The following DRC11 variants were observed in gnomAD, a reference collection of about 807,000 sequenced individuals.
DRC11 encodes IQ and AAA domain-containing protein 1.
chr2:236,434,327 A>G, the DRC11 span, among the ~76,000 whole-genome samples: 2 of 152,188 alleles, frequency 1.3e-5, no homozygotes, highest in African/African-American at 4.8e-5. The surrounding 1 kb of genome is among the most constrained non-coding windows in gnomAD (Gnocchi z 5.5). Flanking sequence ...GTATATTGTT[A>G]TAATGACAAT....
the DRC11 span, among the ~76,000 whole-genome samples, chr2:236,469,325 C>T: frequency 5.9e-5 from 9 of 152,242 alleles, no homozygotes; most frequent in African/African-American, 2.2e-4. The surrounding 1 kb of genome is among the most constrained non-coding windows in gnomAD (Gnocchi z 5.8). Context: ...CCTGCCTCAG[C>T]CTCCTGAGTA....
the DRC11 span, among the ~76,000 whole-genome samples, chr2:236,441,821 C>A: frequency 6.6e-6 from 1 of 152,134 alleles, no homozygotes; most frequent in African/African-American, 2.4e-5. Flanking sequence ...TTTAAAATGG[C>A]CCTTAAAAAA....
At chr2:236,332,371 A>T in the DRC11 span, 1 of 152,222 alleles carries the variant, frequency 6.6e-6, no homozygotes, top group African/African-American at 2.4e-5. The surrounding 1 kb of genome is among the most constrained non-coding windows in gnomAD (Gnocchi z 5.1). Context: ...CTGTATTTGG[A>T]GAATTACCTC....
At chr2:236,421,085 C>G in the DRC11 span, among the ~76,000 whole-genome samples, 4 of 151,876 alleles carry the variant, frequency 2.6e-5, no homozygotes, top group Non-Finnish European at 5.9e-5. Context: ...TGTTATGTAC[C>G]CAGTAGTAAT....
At chr2:236,334,239 A>G in the DRC11 span, among the ~76,000 whole-genome samples, 2 of 152,274 alleles carry the variant, frequency 1.3e-5, no homozygotes, top group African/African-American at 4.8e-5. The surrounding 1 kb of genome is among the most constrained non-coding windows in gnomAD (Gnocchi z 7.8). Context: ...TTGCTTTTAC[A>G]CAATCACCCA....
At chr2:236,392,121 G>A in the DRC11 span, 1 of 1,580,702 alleles carries the variant, frequency 6.3e-7, no homozygotes, top group African/African-American at 1.3e-5. The surrounding 1 kb of genome is among the most constrained non-coding windows in gnomAD (Gnocchi z 5.1). Flanking sequence ...CATGTCTTGT[G>A]TTTTGTTTGT....
At chr2:236,466,824 C>T in the DRC11 span, among the ~76,000 whole-genome samples, 3 of 152,208 alleles carry the variant, frequency 2.0e-5, no homozygotes, top group African/African-American at 7.2e-5. Context: ...GGACAAACAT[C>T]CAAACCATAT....
chr2:236,504,467 G>T, the DRC11 span, among the ~76,000 whole-genome samples: 1 of 152,094 alleles, frequency 6.6e-6, no homozygotes, highest in Non-Finnish European at 1.5e-5. This position sits in a 1 kb window ranked among gnomAD's most constrained non-coding sequence, Gnocchi z 5.0. Context: ...AGGGCAAGGT[G>T]GTTTTCAAAG....
At chr2:236,503,486 G>T in the DRC11 span, 1 of 822,440 alleles carries the variant, frequency 1.2e-6, no homozygotes, top group Non-Finnish European at 2.0e-6. This position sits in a 1 kb window ranked among gnomAD's most constrained non-coding sequence, Gnocchi z 4.9. Context: ...AGTCCTGGTG[G>T]CTTGAGCCTT....
the DRC11 span, among the ~76,000 whole-genome samples, chr2:236,491,881 T>C: frequency 6.6e-6 from 1 of 152,184 alleles, no homozygotes; most frequent in South Asian, 2.1e-4. Context: ...ACAAACTTCA[T>C]GTGCTAGAAA....
At chr2:236,415,357 T>C in the DRC11 span, among the ~76,000 whole-genome samples, 3 of 152,298 alleles carry the variant, frequency 2.0e-5, no homozygotes, top group Admixed American at 6.5e-5. The surrounding 1 kb of genome is among the most constrained non-coding windows in gnomAD (Gnocchi z 5.7). Context: ...TATTTTCCTC[T>C]CTCTTCTCCC....
the DRC11 span, among the ~76,000 whole-genome samples, chr2:236,404,894 C>G: frequency 2.0e-5 from 3 of 152,190 alleles, no homozygotes; most frequent in African/African-American, 7.2e-5. Context: ...GATTCTGTGT[C>G]TGGTGGGGGC....
the DRC11 span, among the ~76,000 whole-genome samples, chr2:236,330,812 AG>A: frequency 6.6e-6 from 1 of 152,282 alleles, no homozygotes; most frequent in Non-Finnish European, 1.5e-5. This position sits in a 1 kb window ranked among gnomAD's most constrained non-coding sequence, Gnocchi z 5.5. Flanking sequence ...CCTATAAGAG[AG>A]GGTGTTGGGA....
chr2:236,432,972 C>A, the DRC11 span, among the ~76,000 whole-genome samples: 2 of 151,964 alleles, frequency 1.3e-5, no homozygotes, highest in African/African-American at 4.8e-5. Context: ...ATTTAATTTT[C>A]TTTTTTCTTA....
At chr2:236,379,226 GGGTA>G in the DRC11 span, among the ~76,000 whole-genome samples, 1 of 152,184 alleles carries the variant, frequency 6.6e-6, no homozygotes, top group Non-Finnish European at 1.5e-5. Flanking sequence ...CCCCCAAACA[GGGTA>G]GCGACAGGAC....
chr2:236,504,307 C>T, the DRC11 span, among the ~76,000 whole-genome samples: 1 of 152,142 alleles, frequency 6.6e-6, no homozygotes, highest in African/African-American at 2.4e-5. This position sits in a 1 kb window ranked among gnomAD's most constrained non-coding sequence, Gnocchi z 5.0. Context: ...GCTAAGTTTC[C>T]TTTGTACAGA....
At chr2:236,411,317 A>T in the DRC11 span, among the ~76,000 whole-genome samples, 124 of 152,002 alleles carry the variant, frequency 8.2e-4, no homozygotes, top group Middle Eastern at 0.01. Flanking sequence ...ACTGGCCATC[A>T]GAGAAATGCA....
chr2:236,486,823 A>C, the DRC11 span: 1 of 1,601,514 alleles, frequency 6.2e-7, no homozygotes, highest in African/African-American at 1.3e-5. The surrounding 1 kb of genome is among the most constrained non-coding windows in gnomAD (Gnocchi z 5.7). Flanking sequence ...CTTAAAAAAA[A>C]CTTACCATAC....
chr2:236,347,855 C>CAAA, the DRC11 span, among the ~76,000 whole-genome samples: 293 of 142,034 alleles, frequency 2.1e-3, 2 homozygotes, highest in Admixed American at 4.0e-3. Context: ...TAACTTACGG[C>CAAA]AAAAAAAAAA....
Sources: allele counts gnomAD v4.1 joint callset (sites outside exome capture counted in the v4.1 genomes callset), GRCh38; gene constraint gnomAD v4.1.1; non-coding constraint Gnocchi (gnomAD v3.1); transcripts MANE v1.5; gene names NCBI Gene and HGNC (gene_info 2026-07-23, HGNC 2026-07-21).